Variants in MYBL2 observed in about 807,000 individuals in gnomAD.
MYBL2 encodes the protein myb-related protein B.
A neutral mutation model predicts 79.9 loss-of-function variants in MYBL2; 28 were observed. The ratio of observed to expected loss-of-function variants is 0.35; its 90% CI spans 0.26 to 0.48. The LOEUF (loss-of-function observed/expected upper bound fraction) is 0.48, where lower values mean the gene tolerates loss of function less well. MYBL2 is among the 20% of genes least tolerant of loss of function. The pLI is 0.99. For synonymous variants in MYBL2, 378 were observed against 361.2 expected, an observed-to-expected ratio of 1.05 and a Z score of -0.53; for missense variants, 735 against 893.9, an observed-to-expected ratio of 0.82 and a Z score of 2.27.
In MYBL2 at chr20:43,685,710, G is replaced by GC. The variant is rs550498287; in HGVS notation, c.280-1138dup. On this transcript the variant is annotated intron_variant, in intron 4 of 13. Coordinates refer to ENST00000217026, the MANE Select transcript of MYBL2 (RefSeq NM_002466.4). ...ACGGAGGTTGCAGTGAGCTGAGATC[G>GC]CCCCACTGCACCCCAGCCTGGGCGA... Among the ~76,000 whole-genome samples the GC allele has an allele frequency of 3.8e-3, 570 of 151,992 alleles. 4 individuals are homozygous for GC. Among genetic ancestry groups the GC allele is most frequent in the South Asian group, 0.011 (53 of 4,808 alleles).
At chr20:43,701,128 C>T (rs1203097605) in intron 7 of MYBL2, among the ~76,000 whole-genome samples, 1 of 152,206 alleles carries the variant, frequency 6.6e-6, no homozygotes, top group Non-Finnish European at 1.5e-5. Flanking sequence ...CAGCCGGTGA[C>T]CTCCAGGAAC....
intron 3 of MYBL2, among the ~76,000 whole-genome samples, chr20:43,682,256 G>C (rs905071606): frequency 2.0e-5 from 3 of 152,020 alleles, no homozygotes; most frequent in Admixed American, 2.0e-4. Context: ...TACCACATTC[G>C]AGTATTTAGA....
chr20:43,710,083 C>T (rs375643238), intron 10 of MYBL2, 21 bp downstream of exon 10: 54 of 1,572,030 alleles, frequency 3.4e-5, no homozygotes, highest in Non-Finnish European at 4.5e-5. Flanking sequence ...TGGTCGCTGC[C>T]GTGGATCTCT....
chr20:43,687,769 A>G (rs1184537664), intron 5 of MYBL2, among the ~76,000 whole-genome samples: 3 of 152,122 alleles, frequency 2.0e-5, no homozygotes, highest in Non-Finnish European at 4.4e-5. Flanking sequence ...TAATCCTAGC[A>G]CGTTGGGTGG....
chr20:43,715,086 C>T, intron 12 of MYBL2, 48 bp from the exon 13 acceptor site: 1 of 1,606,596 alleles, frequency 6.2e-7, no homozygotes, highest in Non-Finnish European at 8.5e-7. Context: ...TCTTCCCTCT[C>T]ACAGCTTCTC....
intron 9 of MYBL2, among the ~76,000 whole-genome samples, chr20:43,706,042 T>A (rs1987775845): frequency 6.6e-6 from 1 of 152,262 alleles, no homozygotes; most frequent in Non-Finnish European, 1.5e-5. Context: ...TTATCTGGGC[T>A]GGTCTTGAAC....
chr20:43,686,908 C>T lies in MYBL2; in HGVS notation c.336C>T (p.His112=). 6.2e-7 allele frequency: 1 copy of T among 1,614,176 alleles called. No individual in the cohort carries two copies. The highest frequency in any genetic ancestry group is 8.5e-7 in the Non-Finnish European group (1 of 1,180,034). The change falls in exon 5 of 14, where the codon CAC becomes CAT. Residue 112 remains histidine (H), a synonymous_variant. Coordinates refer to ENST00000217026, the MANE Select transcript of MYBL2 (RefSeq NM_002466.4). Reference sequence around the variant, plus strand: ...AGCAGTGGACACTGATTGCCAAGCACCTGAAGGGCCGGCTGGGGAAGCAGT... The same window carrying T: ...AGCAGTGGACACTGATTGCCAAGCATCTGAAGGGCCGGCTGGGGAAGCAGT... ...GTKQWTLIAK[H]LKGRLGKQCR...
chr20:43,695,392 G>A (rs1987512820), intron 6 of MYBL2, among the ~76,000 whole-genome samples: 1 of 152,102 alleles, frequency 6.6e-6, no homozygotes, highest in Non-Finnish European at 1.5e-5. Context: ...TTTCTGGTGT[G>A]CTATTTATTT....
intron 10 of MYBL2, 26 bp downstream of exon 10, chr20:43,710,088 A>G (rs778720588): frequency 1.9e-6 from 3 of 1,555,372 alleles, no homozygotes; most frequent in East Asian, 4.6e-5. Flanking sequence ...GCTGCCGTGG[A>G]TCTCTGCACA....
At chr20:43,673,687 G>A in intron 1 of MYBL2, 119 bp from the exon 2 acceptor site, 1 of 913,066 alleles carries the variant, frequency 1.1e-6, no homozygotes, top group Non-Finnish European at 1.8e-6. Flanking sequence ...AGAAGAAAAA[G>A]TAAGAGCCTC....
At chr20:43,711,738 G>T (rs748509659) in intron 11 of MYBL2, 137 bp downstream of exon 11, 1 of 711,668 alleles carries the variant, frequency 1.4e-6, no homozygotes, top group Non-Finnish European at 2.4e-6. Flanking sequence ...GCCCCCTTTC[G>T]CACGGTGGTT....
At chr20:43,697,881 T>C (rs1200037649) in intron 6 of MYBL2, among the ~76,000 whole-genome samples, 1 of 150,956 alleles carries the variant, frequency 6.6e-6, no homozygotes, top group African/African-American at 2.4e-5. Flanking sequence ...CGCCACTGCA[T>C]TTCAGCCTGG....
Position 43,702,848 on chromosome 20 carries a change from A to G in MYBL2, c.1310A>G (p.Asn437Ser), listed in dbSNP as rs1343995422. The change falls in exon 8 of 14, where the codon AAC becomes AGC. Residue 437 changes from asparagine (N) to serine (S), a missense_variant. Asn to Ser is a conservative substitution (Grantham distance 46). Coordinates refer to ENST00000217026, the MANE Select transcript of MYBL2 (RefSeq NM_002466.4). ...AGTCTGTCCTTCCTGGATTCCTGTA[A>G]CAGCCTCACGCCCAAGAGCACACCT... ...STSLSFLDSC[N>S]SLTPKSTPVK... 2 of 1,612,752 alleles carry G rather than the reference A, an allele frequency of 1.2e-6. No individual in the cohort carries two copies. The highest frequency in any genetic ancestry group is 2.2e-5 in the East Asian group (1 of 44,834).
Position 43,691,758 on chromosome 20 carries a change from C to T in MYBL2, c.501-399C>T, listed in dbSNP as rs553737931. On this transcript the variant is annotated intron_variant, in intron 5 of 13. Coordinates refer to ENST00000217026, the MANE Select transcript of MYBL2 (RefSeq NM_002466.4). ...TTCTCTGTGTTGGTCAGGCTGGTCT[C>T]GAACTCCCGATCTCAGGTGATCTGC... Among the ~76,000 whole-genome samples, 8 of 151,858 alleles carry T rather than the reference C, an allele frequency of 5.3e-5. No individual in the cohort carries two copies. In the South Asian group the frequency reaches 6.2e-4, roughly 12 times the overall value.
chr20:43,698,991 C>G (rs2145726226), intron 6 of MYBL2, among the ~76,000 whole-genome samples: 1 of 152,162 alleles, frequency 6.6e-6, no homozygotes, highest in East Asian at 1.9e-4. Flanking sequence ...GCATAAGCCA[C>G]TGTACCTGGT....
chr20:43,680,216 C>G (rs1042512440), intron 2 of MYBL2, among the ~76,000 whole-genome samples: 4 of 151,814 alleles, frequency 2.6e-5, no homozygotes, highest in Admixed American at 1.3e-4. Context: ...TTAGTAGAGA[C>G]GAACTTTCAC....
intron 4 of MYBL2, among the ~76,000 whole-genome samples, chr20:43,684,932 A>C (rs1334830967): frequency 6.6e-6 from 1 of 151,382 alleles, no homozygotes; most frequent in East Asian, 2.0e-4. Flanking sequence ...GGATCACCTG[A>C]TGTCAGGAGT....
At chr20:43,671,451 C>T (rs541490384) in intron 1 of MYBL2, among the ~76,000 whole-genome samples, 3 of 147,694 alleles carry the variant, frequency 2.0e-5, no homozygotes, top group African/African-American at 7.6e-5. Flanking sequence ...TCACCGCGCC[C>T]GGCTGATTTC....
At chr20:43,686,741 TG>T in intron 4 of MYBL2, 110 bp from the exon 5 acceptor site, 1 of 1,017,140 alleles carries the variant, frequency 9.8e-7, no homozygotes, top group Non-Finnish European at 1.5e-6. Flanking sequence ...TGAGGGGATG[TG>T]GTAGGTGGCA....
Sources: allele counts gnomAD v4.1 joint callset (sites outside exome capture counted in the v4.1 genomes callset), GRCh38; gene constraint gnomAD v4.1.1; transcripts MANE v1.5; gene names NCBI Gene and HGNC (gene_info 2026-07-23, HGNC 2026-07-21).